The following DTNA variants were observed in gnomAD, a reference collection of about 807,000 sequenced individuals.
DTNA encodes the protein dystrophin-related protein 3.
A neutral mutation model predicts 100.7 loss-of-function variants in DTNA; 43 were observed. That is an observed-to-expected ratio of 0.43 (90% CI 0.33 to 0.55). The LOEUF is 0.55. Ranked by LOEUF, DTNA falls within the 20% of genes least tolerant of loss-of-function variation. The pLI is 0.04. For missense variants in DTNA, 798 were observed against 953.9 expected, an observed-to-expected ratio of 0.84 and a Z score of 2.15; for synonymous variants, 349 against 347.9, an observed-to-expected ratio of 1.00 and a Z score of -0.04.
chr18:34,494,365 GGGGGGCGGC>G (rs1250197886), intron 1 of DTNA, among the ~76,000 whole-genome samples: 1 of 144,702 alleles, frequency 6.9e-6, no homozygotes, highest in Non-Finnish European at 1.5e-5. Flanking sequence ...CCCCGGGGAC[GGGGGGCGGC>G]GGGGGCGGGT....
At chr18:34,598,193 G>C (rs1432677411) in intron 1 of DTNA, among the ~76,000 whole-genome samples, 1 of 151,566 alleles carries the variant, frequency 6.6e-6, no homozygotes, top group Non-Finnish European at 1.5e-5. Flanking sequence ...CTTGGGGAAA[G>C]GGAATTCTCT....
intron 1 of DTNA, among the ~76,000 whole-genome samples, chr18:34,750,587 A>G (rs1193451200): frequency 1.3e-5 from 2 of 152,214 alleles, no homozygotes; most frequent in African/African-American, 4.8e-5. Flanking sequence ...AGAGAATTCA[A>G]TATCTTGTCA....
intron 1 of DTNA, among the ~76,000 whole-genome samples, chr18:34,753,366 A>ATTTTTTT (rs757853063): frequency 7.5e-6 from 1 of 133,150 alleles, no homozygotes; most frequent in Non-Finnish European, 1.5e-5. Flanking sequence ...TATTTATTTT[A>ATTTTTTT]TTTTTTTTTT....
intron 17 of DTNA, among the ~76,000 whole-genome samples, chr18:34,864,315 G>A (rs945822107): frequency 4.1e-5 from 6 of 147,628 alleles, no homozygotes; most frequent in South Asian, 2.1e-4. Context: ...CAGTGGCGCA[G>A]TCTCGGCTCA....
intron 1 of DTNA, among the ~76,000 whole-genome samples, chr18:34,524,925 A>T (rs1389906873): frequency 6.6e-6 from 1 of 152,154 alleles, no homozygotes; most frequent in Non-Finnish European, 1.5e-5. Flanking sequence ...CTGGAGCTGT[A>T]TATAAAAGGT....
chr18:34,753,366 A>ATTTTATTTTAT (rs2092500633), intron 1 of DTNA, among the ~76,000 whole-genome samples: 4 of 133,148 alleles, frequency 3.0e-5, no homozygotes, highest in African/African-American at 1.3e-4. Context: ...TATTTATTTT[A>ATTTTATTTTAT]TTTTTTTTTT....
At chr18:34,645,595 G>C (rs1358296616) in intron 1 of DTNA, among the ~76,000 whole-genome samples, 1 of 152,076 alleles carries the variant, frequency 6.6e-6, no homozygotes, top group African/African-American at 2.4e-5. Flanking sequence ...AAGGGCTCTG[G>C]TAATACAGAT....
rs1052664547 is a variant in DTNA, at chr18:34,829,429, C to T, written c.1115C>T (p.Pro372Leu). The T allele has an allele frequency of 2.0e-5, 31 of 1,534,792 alleles. No homozygotes were observed. In the African/African-American group the frequency reaches 4.1e-4, roughly 20 times the overall value. The change falls in exon 11 of 23, where the codon CCT (proline) becomes CTT (leucine). Residue 372 changes from proline to leucine, a missense_variant. Pro to Leu is a moderately conservative substitution (Grantham distance 98). Around this residue, in one of 6 missense-constraint regions of DTNA, gnomAD observed 93 missense variants for 90.5 expected, o/e 1.03. Transcript: ENST00000444659. The part of the protein sequence containing the change: ...RLPEGISASS[P>L]VAEEHSLIKL... ...CCTGAGGGAATAAGTGCATCCAGCC[C>T]TGTGGCTGAAGAGCATTCCCTCATA...
At chr18:34,845,610 C>A (rs1475404500) in intron 13 of DTNA, among the ~76,000 whole-genome samples, 1 of 152,064 alleles carries the variant, frequency 6.6e-6, no homozygotes, top group East Asian at 1.9e-4. Flanking sequence ...AATACATGAG[C>A]CAGAAATGAT....
intron 1 of DTNA, among the ~76,000 whole-genome samples, chr18:34,639,889 A>G (rs2059081574): frequency 6.6e-6 from 1 of 152,230 alleles, no homozygotes; most frequent in Non-Finnish European, 1.5e-5. Context: ...CAACAGCAGA[A>G]GTTGCAACAT....
chr18:34,628,150 A>T (rs899948459), intron 1 of DTNA, among the ~76,000 whole-genome samples: 1 of 151,132 alleles, frequency 6.6e-6, no homozygotes, highest in African/African-American at 2.5e-5. Flanking sequence ...TACAATAGCT[A>T]TGAAACACTC....
intron 2 of DTNA, among the ~76,000 whole-genome samples, chr18:34,762,342 A>C (rs1030704651): frequency 2.6e-5 from 4 of 152,146 alleles, no homozygotes; most frequent in African/African-American, 9.7e-5. Flanking sequence ...AGGTAGATTT[A>C]TGGGGGATGT....
At chr18:34,619,180 C>T (rs766035229) in intron 1 of DTNA, among the ~76,000 whole-genome samples, 26 of 152,048 alleles carry the variant, frequency 1.7e-4, no homozygotes, top group Non-Finnish European at 3.2e-4. Flanking sequence ...ATTGCTAAAG[C>T]CTAAGATGTG....
chr18:34,824,408 G>A (rs1393888157), intron 9 of DTNA, among the ~76,000 whole-genome samples: 4 of 152,128 alleles, frequency 2.6e-5, no homozygotes, highest in East Asian at 3.9e-4. Flanking sequence ...CCAGGGAGGC[G>A]GAGGTTGCAG....
At chr18:34,770,891 T>G (rs973747942) in intron 3 of DTNA, among the ~76,000 whole-genome samples, 1 of 151,754 alleles carries the variant, frequency 6.6e-6, no homozygotes, top group Non-Finnish European at 1.5e-5. Flanking sequence ...CAAGTGATTC[T>G]TCTGCCTCAG....
At chr18:34,553,303 C>A (rs1195239095) in intron 1 of DTNA, among the ~76,000 whole-genome samples, 3 of 151,566 alleles carry the variant, frequency 2.0e-5, no homozygotes, top group Admixed American at 2.0e-4. Context: ...GAGTAGGTTG[C>A]GAAAATTTTC....
intron 16 of DTNA, among the ~76,000 whole-genome samples, chr18:34,863,423 A>T (rs1258999303): frequency 2.6e-5 from 4 of 152,216 alleles, no homozygotes; most frequent in African/African-American, 7.2e-5. Context: ...CCAAACTCAA[A>T]CCCAAAAATT....
intron 2 of DTNA, among the ~76,000 whole-genome samples, chr18:34,764,610 G>A (rs903386342): frequency 2.0e-5 from 3 of 152,178 alleles, no homozygotes; most frequent in Non-Finnish European, 4.4e-5. Context: ...AGGACTATTG[G>A]CAACACTTCA....
At chr18:34,623,869 A>T (rs575632217) in intron 1 of DTNA, among the ~76,000 whole-genome samples, 1 of 152,336 alleles carries the variant, frequency 6.6e-6, no homozygotes, top group Non-Finnish European at 1.5e-5. Flanking sequence ...AATTTGGAAG[A>T]TCCAAATGTG....
Sources: gnomAD v4.1 joint callset for allele counts (sites outside exome capture counted in the v4.1 genomes callset) on GRCh38, gnomAD v4.1.1 for gene constraint, gnomAD v4.1.1 regional missense constraint, MANE v1.5 for transcripts, NCBI Gene and HGNC (gene_info 2026-07-23, HGNC 2026-07-21) for gene names.